The following MYO3B variants were observed in gnomAD, a reference collection of about 807,000 sequenced individuals.
MYO3B encodes the protein myosin-IIIb.
In MYO3B, 156 loss-of-function variants were observed where a neutral mutation model predicts 174.6. The ratio of observed to expected loss-of-function variants is 0.89; its 90% CI spans 0.78 to 1.02. The LOEUF (loss-of-function observed/expected upper bound fraction) is 1.02. MYO3B is among the 50% of genes least tolerant of loss of function. The probability of loss-of-function intolerance (pLI) is 0.00; values close to 1 mark genes in which losing one functional copy is unlikely to be tolerated. For synonymous variants in MYO3B, 563 were observed against 569.1 expected (o/e 0.99, Z 0.15); for missense variants, 1,632 against 1,639.4 (o/e 1.00, Z 0.08).
intron 22 of MYO3B, among the ~76,000 whole-genome samples, chr2:170,426,842 A>AC (rs2094666745): frequency 1.3e-5 from 2 of 151,680 alleles, no homozygotes; most frequent in South Asian, 4.2e-4. Flanking sequence ...ATATAGTGAA[A>AC]CCCCGTCTCT....
In MYO3B at chr2:170,249,285, C is replaced by T. The variant is rs562668747; in HGVS notation, c.749+13149C>T. Reference sequence around the variant, plus strand: ...GTAACATCAACTCCCTCTATATAAACGGGCCTTTCTATTTTTATCCTTATT... The same window carrying T: ...GTAACATCAACTCCCTCTATATAAATGGGCCTTTCTATTTTTATCCTTATT... On this transcript the variant is annotated intron_variant, in intron 7 of 34. Coordinates refer to ENST00000408978, the MANE Select transcript of MYO3B (RefSeq NM_138995.5). Among the ~76,000 whole-genome samples, 15 of 152,292 alleles carry T rather than the reference C, an allele frequency of 9.8e-5. No homozygotes were observed. The East Asian group carries it at 1.2e-3, about 12-fold the overall frequency.
rs545128366 is a variant in MYO3B, at chr2:170,497,860, G to A, written c.3015-732G>A. On this transcript the variant is annotated intron_variant, in intron 25 of 34. Transcript: ENST00000408978. ...CTCGGGAGGCTGAGGCAGGAGAATC[G>A]CTTGAACCCATGAGGCAGAGGTTGC... 7.6e-4 allele frequency among the ~76,000 whole-genome samples: 113 copies of A among 148,512 alleles called. 2 individuals are homozygous for A. In the South Asian group the frequency reaches 0.011, roughly 15 times the overall value.
At chr2:170,440,309 C>T (rs1239676013) in intron 22 of MYO3B, among the ~76,000 whole-genome samples, 1 of 152,096 alleles carries the variant, frequency 6.6e-6, no homozygotes, top group African/African-American at 2.4e-5. Flanking sequence ...TTTTTTCTAT[C>T]TGCAAAAGAT....
At chr2:170,222,652 A>G (rs2092913723) in intron 6 of MYO3B, among the ~76,000 whole-genome samples, 1 of 152,002 alleles carries the variant, frequency 6.6e-6, no homozygotes. Context: ...TTAGAGGCCC[A>G]CCCTACTCCA....
intron 7 of MYO3B, among the ~76,000 whole-genome samples, chr2:170,324,930 C>A (rs2093854758): frequency 6.6e-6 from 1 of 152,146 alleles, no homozygotes; most frequent in East Asian, 1.9e-4. Flanking sequence ...ATTTCAAAGG[C>A]ACCCCAGCAG....
intron 7 of MYO3B, among the ~76,000 whole-genome samples, chr2:170,241,511 G>A (rs1397252056): frequency 1.3e-5 from 2 of 152,230 alleles, no homozygotes; most frequent in African/African-American, 4.8e-5. Context: ...GGCTTGGGTT[G>A]GGTGCTTGAG....
chr2:170,418,923 T>C (rs1214019770), intron 22 of MYO3B, among the ~76,000 whole-genome samples: 1 of 152,216 alleles, frequency 6.6e-6, no homozygotes, highest in Non-Finnish European at 1.5e-5. Flanking sequence ...GAGCAAGAGA[T>C]GTCATAGTGG....
chr2:170,311,730 A>G (rs188498170), intron 7 of MYO3B, among the ~76,000 whole-genome samples: 40 of 151,792 alleles, frequency 2.6e-4, no homozygotes, highest in African/African-American at 9.7e-4. Flanking sequence ...TAAGAGTTTT[A>G]TGGTTTTATT....
chr2:170,193,807 T>C (rs577681574), intron 1 of MYO3B, among the ~76,000 whole-genome samples: 10 of 152,310 alleles, frequency 6.6e-5, no homozygotes, highest in African/African-American at 2.2e-4. Flanking sequence ...CTTATTAATA[T>C]TGTCTTTTTG....
intron 29 of MYO3B, among the ~76,000 whole-genome samples, chr2:170,515,683 A>G (rs1688260217): frequency 6.6e-6 from 1 of 152,048 alleles, no homozygotes; most frequent in South Asian, 2.1e-4. Flanking sequence ...TATGGTCTTT[A>G]ATGCCAGCAC....
intron 22 of MYO3B, among the ~76,000 whole-genome samples, chr2:170,419,750 C>T (rs1349537666): frequency 6.6e-6 from 1 of 152,100 alleles, no homozygotes; most frequent in Non-Finnish European, 1.5e-5. Flanking sequence ...CCACTCCCTC[C>T]GCCACACCTA....
chr2:170,361,362 A>G (rs944362239), intron 8 of MYO3B, among the ~76,000 whole-genome samples: 1 of 152,194 alleles, frequency 6.6e-6, no homozygotes, highest in Non-Finnish European at 1.5e-5. Flanking sequence ...GTTAATTGCA[A>G]GGTGCTTTTT....
At chr2:170,540,673 A>AT (rs1690037396) in intron 30 of MYO3B, among the ~76,000 whole-genome samples, 2 of 150,452 alleles carry the variant, frequency 1.3e-5, no homozygotes, top group Non-Finnish European at 2.9e-5. Context: ...AACAAAAAAA[A>AT]CAAAAAAACA....
intron 7 of MYO3B, among the ~76,000 whole-genome samples, chr2:170,293,206 A>T (rs2093607371): frequency 6.6e-6 from 1 of 151,836 alleles, no homozygotes; most frequent in South Asian, 2.1e-4. Flanking sequence ...CTGTGGGGGG[A>T]AATGAAGCTA....
intron 24 of MYO3B, 69 bp downstream of exon 24, chr2:170,463,514 G>T (rs1291780639): frequency 2.2e-6 from 3 of 1,358,026 alleles, no homozygotes; most frequent in East Asian, 4.8e-5. Context: ...CTTATGAGAT[G>T]CCCAGATGGA....
chr2:170,413,205 CTTCTT>C (rs2094557017), intron 22 of MYO3B, among the ~76,000 whole-genome samples: 1 of 152,272 alleles, frequency 6.6e-6, no homozygotes, highest in Admixed American at 6.5e-5. Flanking sequence ...TGAGGAAAGA[CTTCTT>C]TTAACTAAGA....
chr2:170,527,257 G>A (rs1466975726), intron 30 of MYO3B, among the ~76,000 whole-genome samples: 6 of 152,152 alleles, frequency 3.9e-5, no homozygotes, highest in African/African-American at 1.2e-4. Context: ...GTATGAGGCA[G>A]GAAGAACTAT....
chr2:170,391,481 G>A, intron 14 of MYO3B, 39 bp from the exon 15 acceptor site: 2 of 1,016,284 alleles, frequency 2.0e-6, no homozygotes, highest in Non-Finnish European at 2.9e-6. Flanking sequence ...GGATGGGGAA[G>A]CCAGAATATA....
intron 23 of MYO3B, among the ~76,000 whole-genome samples, chr2:170,458,950 C>T (rs894210687): frequency 6.6e-6 from 1 of 152,026 alleles, no homozygotes; most frequent in Non-Finnish European, 1.5e-5. Context: ...AGCCATGGAC[C>T]CTCGCGGTGA....
Sources: gnomAD v4.1 joint callset for allele counts (sites outside exome capture counted in the v4.1 genomes callset) on GRCh38, gnomAD v4.1.1 for gene constraint, MANE v1.5 for transcripts, NCBI Gene and HGNC (gene_info 2026-07-23, HGNC 2026-07-21) for gene names.